LIPI: variants seen among roughly 807,000 people sequenced by gnomAD.
The protein encoded by LIPI is lipase I, also known as lipase member I.
LIPI carries 59 observed loss-of-function variants against 50.6 expected under a neutral mutation model. That is an observed-to-expected ratio of 1.16 (90% confidence interval 0.94 to 1.45). LIPI has a LOEUF of 1.45. LIPI is among the 40% of genes most tolerant of loss of function. The probability of loss-of-function intolerance (pLI) is 0.00; values close to 1 mark genes in which losing one functional copy is unlikely to be tolerated. For missense variants in LIPI, 586 were observed against 536.3 expected (o/e 1.09, Z -0.92); for synonymous variants, 203 against 178.2 (o/e 1.14, Z -1.11).
Position 14,109,005 on chromosome 21 carries a change from T to C in LIPI, c.1371A>G (p.Pro457=), listed in dbSNP as rs576387229. Residue 457 remains proline (P), a synonymous_variant, in exon 10 of 10, where the codon CCA becomes CCG. Coordinates refer to ENST00000681601, the MANE Select transcript of LIPI (RefSeq NM_001302998.2). ...EVFLNPNTCT[P]KNT ...GGAAGAAGGCATCTTATGTGTTCTT[T>C]GGTGTACATGTGTTTGGATTAAGAA... 3 of 1,608,516 alleles carry C rather than the reference T, an allele frequency of 1.9e-6. No homozygotes were observed. The highest frequency in any genetic ancestry group is 2.7e-5 in the African/African-American group (2 of 74,908).
chr21:14,165,483 T>C (rs2018649484), intron 5 of LIPI, 93 bp from the exon 6 acceptor site: 1 of 868,590 alleles, frequency 1.2e-6, no homozygotes, highest in South Asian at 1.5e-5. Flanking sequence ...TTTTGCTAAA[T>C]ACTATGTACC....
At chr21:14,172,173 T>C (rs1295068293) in intron 4 of LIPI, among the ~76,000 whole-genome samples, 1 of 151,108 alleles carries the variant, frequency 6.6e-6, no homozygotes, top group African/African-American at 2.4e-5. Context: ...TGAGATACCA[T>C]CTCACACCAG....
At chr21:14,173,812 C>T (rs1460806150) in intron 4 of LIPI, among the ~76,000 whole-genome samples, 1 of 151,648 alleles carries the variant, frequency 6.6e-6, no homozygotes, top group Non-Finnish European at 1.5e-5. Flanking sequence ...TAAGGAAAGA[C>T]AAAGGACAAT....
At chr21:14,179,342 A>C (rs1320676704) in intron 4 of LIPI, among the ~76,000 whole-genome samples, 1 of 152,110 alleles carries the variant, frequency 6.6e-6, no homozygotes, top group Admixed American at 6.6e-5. Context: ...GGACAGGTAC[A>C]TATGCAGCAT....
At chr21:14,128,467 A>G (rs2017153760) in intron 9 of LIPI, among the ~76,000 whole-genome samples, 1 of 152,072 alleles carries the variant, frequency 6.6e-6, no homozygotes. Context: ...CTGGATTTCT[A>G]TTTCTTAAAC....
chr21:14,144,720 T>C lies in LIPI; in HGVS notation c.1198A>G (p.Ile400Val). ...FYNDFVNISS[I>V]GLTYFQSSNL... ...GAGCTCTGGAAATATGTCAAACCAATGCTTGAAATATTTACAAAGTCATTA... is the reference window on the plus strand; with the variant it reads ...GAGCTCTGGAAATATGTCAAACCAACGCTTGAAATATTTACAAAGTCATTA... The change falls in exon 9 of 10, where the codon ATT (isoleucine) becomes GTT (valine). Residue 400 changes from isoleucine to valine, a missense_variant. Coordinates refer to ENST00000681601, the MANE Select transcript of LIPI (RefSeq NM_001302998.2). 1 of 1,561,874 alleles carries C rather than the reference T, an allele frequency of 6.4e-7. No homozygotes were observed. The highest frequency in any genetic ancestry group is 8.8e-7 in the Non-Finnish European group (1 of 1,132,850).
chr21:14,163,657 G>T, intron 6 of LIPI, 134 bp from the exon 7 acceptor site: 2 of 619,516 alleles, frequency 3.2e-6, no homozygotes, highest in Non-Finnish European at 2.9e-6. Flanking sequence ...AACTTAAAAA[G>T]CATTTTTTCA....
At position 14,165,358 on chromosome 21, in the gene LIPI, C is replaced by T. The variant is rs1216288091; in HGVS notation, c.766G>A (p.Ala256Thr). Residue 256 changes from alanine (A) to threonine (T), a missense_variant, in exon 6 of 10, where the codon GCA (alanine) becomes ACA (threonine). Coordinates refer to ENST00000681601, the MANE Select transcript of LIPI (RefSeq NM_001302998.2). ...AAAGATGCCATGAACAAGTGAACTG[C>T]TCTCTGGTGGTTGCATTTAATGAAT... is the stretch of plus-strand genomic sequence containing the variant. ...IQFIKCNHQR[A>T]VHLFMASLET... 1 of 1,612,060 alleles carries T rather than the reference C, an allele frequency of 6.2e-7. No individual in the cohort carries two copies. The highest frequency in any genetic ancestry group is 2.2e-5 in the East Asian group (1 of 44,738).
intron 9 of LIPI, among the ~76,000 whole-genome samples, chr21:14,134,105 C>A (rs2017400950): frequency 6.6e-6 from 1 of 152,032 alleles, no homozygotes; most frequent in South Asian, 2.1e-4. Flanking sequence ...GTGGTGCATG[C>A]CTGTGGTCCC....
At chr21:14,206,800 G>C in intron 1 of LIPI, 5 of 1,466,050 alleles carry the variant, frequency 3.4e-6, no homozygotes, top group Non-Finnish European at 4.8e-6. Flanking sequence ...AGAAAGTGAA[G>C]TTAAAAGAGA....
chr21:14,207,332 A>T (rs570688504), intron 1 of LIPI, among the ~76,000 whole-genome samples: 2 of 152,176 alleles, frequency 1.3e-5, no homozygotes, highest in Non-Finnish European at 2.9e-5. Context: ...AGAAATGGTA[A>T]CTGTTTGAGA....
At chr21:14,111,506 A>C (rs1478653330) in intron 9 of LIPI, among the ~76,000 whole-genome samples, 2 of 152,060 alleles carry the variant, frequency 1.3e-5, no homozygotes, top group African/African-American at 2.4e-5. Flanking sequence ...TATCATATAT[A>C]TACTTTGCAA....
intron 7 of LIPI, among the ~76,000 whole-genome samples, chr21:14,160,088 T>G (rs1422058557): frequency 6.6e-6 from 1 of 151,364 alleles, no homozygotes; most frequent in Non-Finnish European, 1.5e-5. Context: ...TAATTTCTGT[T>G]GAAACCTCAG....
intron 1 of LIPI, among the ~76,000 whole-genome samples, chr21:14,199,807 A>C (rs918840601): frequency 6.6e-6 from 1 of 151,954 alleles, no homozygotes; most frequent in Non-Finnish European, 1.5e-5. Context: ...CACCACAAAA[A>C]ACTTCAGGCC....
intron 4 of LIPI, among the ~76,000 whole-genome samples, chr21:14,169,946 A>G (rs1169478151): frequency 6.6e-6 from 1 of 152,180 alleles, no homozygotes; most frequent in Non-Finnish European, 1.5e-5. Flanking sequence ...GAAAGGATCA[A>G]CAAAATTGAT....
chr21:14,131,992 C>T (rs8130994), intron 9 of LIPI, among the ~76,000 whole-genome samples: 4,153 of 152,190 alleles, frequency 0.027, 182 homozygotes, highest in African/African-American at 0.091. Flanking sequence ...CTCAAAGATA[C>T]GTTTTTAAAA....
At chr21:14,192,842 C>G (rs2019722771) in intron 1 of LIPI, among the ~76,000 whole-genome samples, 1 of 152,170 alleles carries the variant, frequency 6.6e-6, no homozygotes, top group Non-Finnish European at 1.5e-5. Context: ...CAGACCCACT[C>G]TACATGAAAT....
chr21:14,146,256 T>C (rs2017899861), intron 8 of LIPI, among the ~76,000 whole-genome samples: 1 of 151,128 alleles, frequency 6.6e-6, no homozygotes, highest in Non-Finnish European at 1.5e-5. Context: ...CAAATCTAAA[T>C]GACTCATCTT....
At chr21:14,209,406 G>A (rs998587333) in intron 1 of LIPI, among the ~76,000 whole-genome samples, 1 of 152,110 alleles carries the variant, frequency 6.6e-6, no homozygotes, top group Non-Finnish European at 1.5e-5. Context: ...AGGAGCATGT[G>A]TAATAAATAA....
Sources: gnomAD v4.1 joint callset for allele counts (sites outside exome capture counted in the v4.1 genomes callset) on GRCh38, gnomAD v4.1.1 for gene constraint, MANE v1.5 for transcripts, NCBI Gene and HGNC (gene_info 2026-07-23, HGNC 2026-07-21) for gene names.